HEPH: variants seen among roughly 807,000 people sequenced by gnomAD.
HEPH encodes hephaestin.
HEPH carries 69 observed loss-of-function variants against 80.8 expected under a neutral mutation model. The observed-to-expected ratio is 0.85, with a 90% CI of 0.70 to 1.04. The LOEUF is 1.04. HEPH is among the 50% of genes least tolerant of loss of function. HEPH has a pLI of 0.00. For synonymous variants in HEPH, 431 were observed against 322.8 expected, an observed-to-expected ratio of 1.34 and a Z score of -3.60; for missense variants, 1,115 against 891.3, an observed-to-expected ratio of 1.25 and a Z score of -3.20.
intron 1 of HEPH, among the ~76,000 whole-genome samples, chrX:66,168,260 A>C (rs946744009): frequency 6.5e-4 from 73 of 112,123 alleles, no homozygotes; most frequent in Non-Finnish European, 1.3e-3. Context: ...AGTATGATGG[A>C]TGTGAGACTG....
intron 15 of HEPH, among the ~76,000 whole-genome samples, chrX:66,231,366 G>A (rs2090131667): frequency 9.8e-6 from 1 of 101,668 alleles, no homozygotes; most frequent in Admixed American, 1.1e-4. Context: ...ATTACCTTGG[G>A]CAGTATGGCC....
At position 66,173,791 on chromosome X, in the gene HEPH, C is replaced by G; in HGVS notation, c.615C>G (p.Thr205=). Residue 205 remains threonine, a synonymous_variant, in exon 4 of 21, where the codon ACC becomes ACG. Coordinates refer to ENST00000343002, the MANE Select transcript of HEPH (RefSeq NM_001367233.3). ...IATGLIGPLI[T]CKRGALDGNS... Reference sequence around the variant, plus strand: ...CTGGCCTAATTGGGCCTCTCATCACCTGTAAAAGAGGTACAGGTCCCAAGG... The same window carrying G: ...CTGGCCTAATTGGGCCTCTCATCACGTGTAAAAGAGGTACAGGTCCCAAGG... The G allele has an allele frequency of 8.5e-7, 1 of 1,181,600 alleles. No individual in the cohort carries two copies. The highest frequency in any genetic ancestry group is 1.1e-6 in the Non-Finnish European group (1 of 876,779).
intron 15 of HEPH, among the ~76,000 whole-genome samples, chrX:66,211,297 G>A (rs1032343422): frequency 9.0e-6 from 1 of 111,487 alleles, no homozygotes; most frequent in Non-Finnish European, 1.9e-5. Flanking sequence ...AATGTAAGGA[G>A]TATATGAGAA....
chrX:66,165,204 A>G (rs2086301743), intron 1 of HEPH, among the ~76,000 whole-genome samples: 1 of 112,073 alleles, frequency 8.9e-6, no homozygotes, highest in South Asian at 3.7e-4. Flanking sequence ...GCCTCAAGAC[A>G]ATCCTGTGAA....
upstream of HEPH, chrX:66,164,212 G>T: frequency 8.0e-6 from 6 of 754,354 alleles, no homozygotes; most frequent in Non-Finnish European, 9.4e-6. Flanking sequence ...ACCATCCCGG[G>T]TTTTGTATCA....
chrX:66,237,102 G>A (rs140996336), intron 15 of HEPH, among the ~76,000 whole-genome samples: 4 of 108,705 alleles, frequency 3.7e-5, no homozygotes, highest in Non-Finnish European at 7.7e-5. Context: ...TTTTTTTTGT[G>A]TGTGTTTGTG....
intron 3 of HEPH, 82 bp downstream of exon 3, chrX:66,172,681 T>C (rs2086640599): frequency 1.0e-6 from 1 of 986,969 alleles, no homozygotes; most frequent in East Asian, 3.2e-5. Context: ...GAAGAACTGG[T>C]AGTGAAGATT....
chrX:66,244,730 GC>G (rs747808676), intron 15 of HEPH, among the ~76,000 whole-genome samples: 25 of 111,237 alleles, frequency 2.2e-4, no homozygotes, highest in Non-Finnish European at 4.0e-4. Flanking sequence ...GGACACTCTA[GC>G]TTTTTGAGTT....
intron 4 of HEPH, among the ~76,000 whole-genome samples, chrX:66,179,136 A>G (rs892085119): frequency 3.6e-5 from 4 of 112,174 alleles, no homozygotes; most frequent in African/African-American, 6.5e-5. Flanking sequence ...GGTGTAAGGA[A>G]GGGATCCAGT....
rs1330636608 is a variant in HEPH, at chrX:66,223,830, A to C, written c.2563+15584A>C. ...ATTTTACGTTCCTTATACACCTTGC[A>C]CATAAACTTTTTTTTTCCAATAGTT... On this transcript the variant is annotated intron_variant, in intron 15 of 20. Coordinates refer to ENST00000343002, the MANE Select transcript of HEPH (RefSeq NM_001367233.3). 2.7e-5 allele frequency among the ~76,000 whole-genome samples: 3 copies of C among 111,981 alleles called. No homozygotes were observed. The East Asian group carries it at 8.3e-4, about 31-fold the overall frequency.
chrX:66,199,830 A>G (rs1290770477), intron 11 of HEPH, among the ~76,000 whole-genome samples: 3 of 112,083 alleles, frequency 2.7e-5, no homozygotes, highest in Non-Finnish European at 5.6e-5. Flanking sequence ...AGTTTATTCC[A>G]GAAAGAGGAA....
chrX:66,236,453 A>G (rs1394447004), intron 15 of HEPH, among the ~76,000 whole-genome samples: 1 of 111,896 alleles, frequency 8.9e-6, no homozygotes, highest in African/African-American at 3.2e-5. Context: ...CTTGCATCCC[A>G]GGGATAAAGC....
At chrX:66,213,661 G>T (rs891116976) in intron 15 of HEPH, among the ~76,000 whole-genome samples, 1 of 110,763 alleles carries the variant, frequency 9.0e-6, no homozygotes, top group African/African-American at 3.3e-5. Context: ...AAGAATACCT[G>T]GGCAAGAAGA....
intron 13 of HEPH, among the ~76,000 whole-genome samples, chrX:66,205,429 T>G (rs989831865): frequency 8.9e-6 from 1 of 111,945 alleles, no homozygotes; most frequent in Non-Finnish European, 1.9e-5. Context: ...CATAATTTCA[T>G]TCTTTTTCAA....
At chrX:66,228,256 C>T (rs979925305) in intron 15 of HEPH, among the ~76,000 whole-genome samples, 6 of 112,261 alleles carry the variant, frequency 5.3e-5, no homozygotes, top group African/African-American at 1.6e-4. Flanking sequence ...GAGGAAAGCA[C>T]GCCCATGATT....
intron 15 of HEPH, among the ~76,000 whole-genome samples, chrX:66,239,119 G>A (rs962109958): frequency 8.9e-6 from 1 of 112,058 alleles, no homozygotes; most frequent in African/African-American, 3.2e-5. Flanking sequence ...GGCCAGTTTT[G>A]GGGCCAGTTT....
intron 15 of HEPH, among the ~76,000 whole-genome samples, chrX:66,208,631 CAT>C (rs56924616): frequency 0.19 from 6,381 of 33,709 alleles, 426 homozygotes; most frequent in South Asian, 0.34. Flanking sequence ...TATATACATA[CAT>C]ATATATATAT....
intron 15 of HEPH, among the ~76,000 whole-genome samples, chrX:66,232,786 A>C (rs2090203567): frequency 1.8e-5 from 2 of 111,224 alleles, no homozygotes; most frequent in Admixed American, 1.9e-4. Flanking sequence ...TGATAAATGC[A>C]TATGGTATAT....
chrX:66,206,575 C>T (rs768870269), intron 13 of HEPH, among the ~76,000 whole-genome samples: 2 of 106,505 alleles, frequency 1.9e-5, no homozygotes, highest in South Asian at 8.6e-4. Flanking sequence ...CCATGTTGGG[C>T]AGGCTGGTCT....
Sources: gnomAD v4.1 joint callset for allele counts (sites outside exome capture counted in the v4.1 genomes callset) on GRCh38, gnomAD v4.1.1 for gene constraint, MANE v1.5 for transcripts, NCBI Gene and HGNC (gene_info 2026-07-23, HGNC 2026-07-21) for gene names.